UBE2E2: variants seen among roughly 807,000 people sequenced by gnomAD.
The protein encoded by UBE2E2 is ubiquitin-conjugating enzyme E2 E2.
Under a neutral mutation model 24.7 loss-of-function variants are expected in UBE2E2, and 6 were observed. The ratio of observed to expected loss-of-function variants is 0.24; its 90% CI spans 0.13 to 0.48. UBE2E2 has a LOEUF of 0.48. Among genes scored for constraint, UBE2E2 ranks in the 20% least tolerant of loss-of-function variants. The probability of loss-of-function intolerance (pLI) is 0.99; values close to 1 mark genes in which losing one functional copy is unlikely to be tolerated. For synonymous variants in UBE2E2, 104 were observed against 83.6 expected, an observed-to-expected ratio of 1.24 and a Z score of -1.33; for missense variants, 169 against 245.0, an observed-to-expected ratio of 0.69 and a Z score of 2.07.
intron 3 of UBE2E2, among the ~76,000 whole-genome samples, chr3:23,440,091 T>A (rs1321687599): frequency 6.6e-6 from 1 of 151,878 alleles, no homozygotes; most frequent in Non-Finnish European, 1.5e-5. Flanking sequence ...CTGGCCAAGA[T>A]GGTGAAACCC....
At chr3:23,552,054 G>A (rs1575702163) in intron 5 of UBE2E2, among the ~76,000 whole-genome samples, 3 of 152,280 alleles carry the variant, frequency 2.0e-5, no homozygotes, top group South Asian at 2.1e-4. Context: ...AAGAGTCCTC[G>A]TCAGAAACCA....
At chr3:23,475,923 C>G (rs191121231) in intron 3 of UBE2E2, among the ~76,000 whole-genome samples, 1 of 152,064 alleles carries the variant, frequency 6.6e-6, no homozygotes, top group African/African-American at 2.4e-5. Context: ...ACACTAAAGA[C>G]AGCTAGTAAA....
intron 3 of UBE2E2, among the ~76,000 whole-genome samples, chr3:23,392,323 C>T (rs573117433): frequency 3.3e-5 from 5 of 152,214 alleles, no homozygotes; most frequent in African/African-American, 1.2e-4. Context: ...ACTGTATCTG[C>T]TTGGTGCCTG....
At chr3:23,271,991 C>T (rs1430609563) in intron 3 of UBE2E2, among the ~76,000 whole-genome samples, 2 of 152,222 alleles carry the variant, frequency 1.3e-5, no homozygotes, top group African/African-American at 2.4e-5. Flanking sequence ...GCGCCAGGGC[C>T]GTGGGTGGAG....
intron 3 of UBE2E2, among the ~76,000 whole-genome samples, chr3:23,408,829 A>C (rs907081165): frequency 6.6e-6 from 1 of 152,042 alleles, no homozygotes; most frequent in Non-Finnish European, 1.5e-5. Flanking sequence ...ATCATTTGTC[A>C]GTTTTTGTTC....
At chr3:23,535,866 C>T (rs188147803) in intron 5 of UBE2E2, among the ~76,000 whole-genome samples, 4 of 152,234 alleles carry the variant, frequency 2.6e-5, no homozygotes, top group African/African-American at 9.6e-5. Context: ...CGTGATCCGC[C>T]CGCCTCGGCC....
intron 3 of UBE2E2, among the ~76,000 whole-genome samples, chr3:23,272,585 T>C (rs930978772): frequency 2.0e-5 from 3 of 152,190 alleles, no homozygotes; most frequent in African/African-American, 7.2e-5. Context: ...AGTGTATGTG[T>C]GAAAGGGAGT....
chr3:23,415,035 G>A (rs1265867775), intron 3 of UBE2E2, among the ~76,000 whole-genome samples: 3 of 152,352 alleles, frequency 2.0e-5, no homozygotes, highest in South Asian at 2.1e-4. Context: ...CTCAAGAGGT[G>A]TGAAGCTACT....
intron 3 of UBE2E2, among the ~76,000 whole-genome samples, chr3:23,287,786 T>TC (rs1698657547): frequency 6.6e-6 from 1 of 151,774 alleles, no homozygotes; most frequent in Non-Finnish European, 1.5e-5. Flanking sequence ...TTTTTTTTTT[T>TC]TTACATCTCT....
At chr3:23,532,153 T>C (rs1695138101) in intron 4 of UBE2E2, among the ~76,000 whole-genome samples, 1 of 152,148 alleles carries the variant, frequency 6.6e-6, no homozygotes, top group Admixed American at 6.5e-5. Context: ...TTGAATATTA[T>C]AAATGTACAA....
intron 3 of UBE2E2, among the ~76,000 whole-genome samples, chr3:23,298,398 C>G (rs896516687): frequency 1.3e-5 from 2 of 152,100 alleles, no homozygotes; most frequent in Admixed American, 1.3e-4. Context: ...AGTTTTTGCC[C>G]ATTCAGTATG....
chr3:23,237,682 A>G (rs763888609), intron 3 of UBE2E2, among the ~76,000 whole-genome samples: 11 of 152,102 alleles, frequency 7.2e-5, no homozygotes, highest in Middle Eastern at 6.3e-3. Context: ...TTTTTACATT[A>G]ATTATACTTA....
intron 3 of UBE2E2, among the ~76,000 whole-genome samples, chr3:23,390,513 A>ACCTTCATGTGACCTGAT (rs1696909786): frequency 6.6e-6 from 1 of 152,116 alleles, no homozygotes; most frequent in Non-Finnish European, 1.5e-5. Flanking sequence ...CACCTTTCAG[A>ACCTTCATGTGACCTGAT]CCTTCATGTG....
At chr3:23,413,430 CATT>C (rs1382768812) in intron 3 of UBE2E2, among the ~76,000 whole-genome samples, 2 of 152,258 alleles carry the variant, frequency 1.3e-5, no homozygotes, top group South Asian at 2.1e-4. Flanking sequence ...CAACCATCAT[CATT>C]AAGATCAGCT....
chr3:23,330,175 A>G (rs1322920542), intron 3 of UBE2E2, among the ~76,000 whole-genome samples: 2 of 152,224 alleles, frequency 1.3e-5, no homozygotes, highest in African/African-American at 2.4e-5. Flanking sequence ...TTAAAACTAA[A>G]GTGTTAATGA....
At chr3:23,496,477 T>C (rs1699605199) in intron 3 of UBE2E2, among the ~76,000 whole-genome samples, 1 of 152,032 alleles carries the variant, frequency 6.6e-6, no homozygotes, top group South Asian at 2.1e-4. Flanking sequence ...CTCATATTTA[T>C]GTGTCCCTCA....
intron 4 of UBE2E2, among the ~76,000 whole-genome samples, chr3:23,501,199 A>G (rs528401213): frequency 6.6e-6 from 1 of 152,190 alleles, no homozygotes. Context: ...AGACCAGGCT[A>G]TTGTGCTGCT....
rs149657440 is a variant in UBE2E2 at position 23,465,388 on chromosome 3, C to G, written c.228-34220C>G. ...TATCCCATATTAAAGCACCCCCTCA[C>G]CCAAATCATAACTTCTAAAAGACCT... On this transcript the variant is annotated intron_variant, in intron 3 of 5. Transcript: ENST00000396703. Among the ~76,000 whole-genome samples the G allele has an allele frequency of 2.5e-3, 379 of 152,308 alleles. 3 individuals are homozygous for G. Among genetic ancestry groups the G allele is most frequent in the African/African-American group, 8.7e-3 (363 of 41,564 alleles).
At chr3:23,275,193 A>C (rs1226333578) in intron 3 of UBE2E2, among the ~76,000 whole-genome samples, 1 of 152,200 alleles carries the variant, frequency 6.6e-6, no homozygotes, top group African/African-American at 2.4e-5. Flanking sequence ...GTGAAAGAGA[A>C]ATTTGGGCTG....
Sources: allele counts gnomAD v4.1 joint callset (sites outside exome capture counted in the v4.1 genomes callset), GRCh38; gene constraint gnomAD v4.1.1; transcripts MANE v1.5; gene names NCBI Gene and HGNC (gene_info 2026-07-23, HGNC 2026-07-21).